SLC1A2: variants seen among roughly 807,000 people sequenced by gnomAD.
The protein encoded by SLC1A2 is excitatory amino acid transporter 2.
In SLC1A2, 15 loss-of-function variants were observed where a neutral mutation model predicts 48.8. That is an observed-to-expected ratio of 0.31 (90% CI 0.21 to 0.47). The LOEUF is 0.47. Among genes scored for constraint, SLC1A2 ranks in the 20% least tolerant of loss-of-function variants. The pLI, the probability that SLC1A2 is intolerant of heterozygous loss-of-function variation, is 0.99. For synonymous variants in SLC1A2, 279 were observed against 272.6 expected (o/e 1.02, Z -0.23); for missense variants, 502 against 730.5 (o/e 0.69, Z 3.61).
At chr11:35,314,146 A>C (rs924285456) in intron 3 of SLC1A2, among the ~76,000 whole-genome samples, 1 of 152,244 alleles carries the variant, frequency 6.6e-6, no homozygotes, top group Non-Finnish European at 1.5e-5. Flanking sequence ...TATTTTAGTC[A>C]AAGATAATTG....
intron 1 of SLC1A2, among the ~76,000 whole-genome samples, chr11:35,400,646 A>G (rs1054381596): frequency 1.3e-5 from 2 of 152,200 alleles, no homozygotes; most frequent in Admixed American, 6.5e-5. Flanking sequence ...CATATATTAT[A>G]GGTATATCCA....
intron 6 of SLC1A2, among the ~76,000 whole-genome samples, chr11:35,296,359 A>G (rs1851172271): frequency 6.6e-6 from 1 of 152,256 alleles, no homozygotes; most frequent in Non-Finnish European, 1.5e-5. Context: ...GTCTGTGCTC[A>G]GAAAGTATCA....
At chr11:35,266,419 T>G (rs879543393) in intron 9 of SLC1A2, among the ~76,000 whole-genome samples, 1 of 152,222 alleles carries the variant, frequency 6.6e-6, no homozygotes, top group African/African-American at 2.4e-5. Flanking sequence ...AAATACTTTA[T>G]CTTGCTCTAT....
intron 1 of SLC1A2, among the ~76,000 whole-genome samples, chr11:35,386,968 C>T (rs1854602354): frequency 6.6e-6 from 1 of 152,070 alleles, no homozygotes; most frequent in African/African-American, 2.4e-5. Flanking sequence ...TGGAGTCTTG[C>T]TATGTTGCCC....
At chr11:35,374,273 CTT>C in intron 1 of SLC1A2, 1 of 995,824 alleles carries the variant, frequency 1.0e-6, no homozygotes, top group Non-Finnish European at 1.5e-6. Flanking sequence ...AAATGGAACT[CTT>C]AACATTCAGG....
intron 9 of SLC1A2, among the ~76,000 whole-genome samples, chr11:35,266,631 T>C (rs113550873): frequency 3.9e-5 from 6 of 152,296 alleles, no homozygotes; most frequent in African/African-American, 1.4e-4. Flanking sequence ...CAAATCAGTG[T>C]GAAGAATACT....
intron 2 of SLC1A2, 80 bp from the exon 3 acceptor site, chr11:35,315,255 AT>A: frequency 2.9e-6 from 3 of 1,030,670 alleles, no homozygotes; most frequent in Non-Finnish European, 4.4e-6. Context: ...TTTCAGCAAC[AT>A]TGACCTTTCT....
chr11:35,307,555 T>C (rs1851550521), intron 4 of SLC1A2, among the ~76,000 whole-genome samples: 1 of 152,160 alleles, frequency 6.6e-6, no homozygotes, highest in Admixed American at 6.6e-5. Flanking sequence ...TGCAGAATCC[T>C]AGATTGTCAG....
chr11:35,337,761 T>A (rs138567502), intron 1 of SLC1A2, among the ~76,000 whole-genome samples: 1 of 152,108 alleles, frequency 6.6e-6, no homozygotes, highest in South Asian at 2.1e-4. Flanking sequence ...CTAAGACTCA[T>A]CTATAAAATG....
intron 6 of SLC1A2, among the ~76,000 whole-genome samples, chr11:35,294,162 T>C (rs1002151420): frequency 1.3e-5 from 2 of 152,206 alleles, no homozygotes; most frequent in African/African-American, 4.8e-5. Flanking sequence ...GAACATCTCA[T>C]GGGATACCCA....
intron 1 of SLC1A2, among the ~76,000 whole-genome samples, chr11:35,326,645 A>G (rs1852261665): frequency 6.6e-6 from 1 of 152,214 alleles, no homozygotes; most frequent in Non-Finnish European, 1.5e-5. Context: ...ATCAATCCCA[A>G]GCAAGAAGGC....
At position 35,277,302 on chromosome 11, in the gene SLC1A2, C is replaced by T. The variant is rs148519418; in HGVS notation, c.1421+3565G>A. ...AGAACACTTAGTACAAATTAGGAGG[C>T]TGTGTGGAGTTGGGTGAAGTGTCCT... On this transcript the variant is annotated intron_variant, in intron 9 of 10. Coordinates refer to ENST00000278379, the MANE Select transcript of SLC1A2 (RefSeq NM_004171.4). Among the ~76,000 whole-genome samples the T allele has an allele frequency of 2.0e-3, 297 of 152,284 alleles. 2 individuals are homozygous for T. The highest frequency in any genetic ancestry group is 6.5e-3 in the African/African-American group (268 of 41,550).
intron 4 of SLC1A2, among the ~76,000 whole-genome samples, chr11:35,310,754 T>A (rs896476851): frequency 1.5e-4 from 23 of 152,150 alleles, no homozygotes; most frequent in African/African-American, 5.6e-4. Context: ...TATGCTGGCC[T>A]TGGGGCTAGA....
At position 35,306,237 on chromosome 11, in the gene SLC1A2, T is replaced by C. The variant is rs750636019; in HGVS notation, c.567A>G (p.Gln189=). ...CAACCAGGACTTTCTTCGTCACTGT[T>C]TGAATCTAACAGAGTGAGGGAAAAA... The part of the protein sequence containing the change: ...NLVQACFQQI[Q]TVTKKVLVAP... The change falls in exon 5 of 11, where the codon CAA becomes CAG. Residue 189 remains glutamine, a synonymous_variant. Coordinates refer to ENST00000278379, the MANE Select transcript of SLC1A2 (RefSeq NM_004171.4). 3.1e-6 allele frequency: 5 copies of C among 1,613,324 alleles called. No individual in the cohort carries two copies. In the Admixed American group the frequency reaches 5.0e-5, roughly 16 times the overall value.
chr11:35,400,833 C>T (rs560125388), intron 1 of SLC1A2, among the ~76,000 whole-genome samples: 5 of 152,232 alleles, frequency 3.3e-5, no homozygotes, highest in African/African-American at 4.8e-5. Flanking sequence ...GACTATGGCC[C>T]GTGACATAAC....
chr11:35,281,055 C>T, intron 8 of SLC1A2, 54 bp from the exon 9 acceptor site: 3 of 1,482,192 alleles, frequency 2.0e-6, no homozygotes, highest in South Asian at 2.7e-5. Context: ...TTAGCAAAAC[C>T]AACCCTGGCA....
chr11:35,308,189 T>A (rs2134841899), intron 4 of SLC1A2, among the ~76,000 whole-genome samples: 1 of 152,316 alleles, frequency 6.6e-6, no homozygotes, highest in East Asian at 1.9e-4. Context: ...CTATTTTACA[T>A]CCATTACGTC....
intron 1 of SLC1A2, among the ~76,000 whole-genome samples, chr11:35,329,638 T>C (rs1852365252): frequency 6.6e-6 from 1 of 152,234 alleles, no homozygotes; most frequent in South Asian, 2.1e-4. Context: ...CCTAGACCTC[T>C]GGGCTTTTGC....
chr11:35,345,305 C>A (rs915575516), intron 1 of SLC1A2, among the ~76,000 whole-genome samples: 9 of 151,960 alleles, frequency 5.9e-5, no homozygotes, highest in African/African-American at 2.2e-4. Context: ...GCAAACCCAG[C>A]CTTGTCTTCC....
Sources: allele counts gnomAD v4.1 joint callset (sites outside exome capture counted in the v4.1 genomes callset), GRCh38; gene constraint gnomAD v4.1.1; transcripts MANE v1.5; gene names NCBI Gene and HGNC (gene_info 2026-07-23, HGNC 2026-07-21).